Variants in FRMD1 observed in about 807,000 individuals in gnomAD.
FRMD1 encodes FERM domain-containing protein 1.
Under a neutral mutation model 54.9 loss-of-function variants are expected in FRMD1, and 51 were observed. The ratio of observed to expected loss-of-function variants is 0.93; its 90% CI spans 0.74 to 1.17. FRMD1 has a LOEUF of 1.17. FRMD1 is among the 50% of genes most tolerant of loss of function. The pLI is 0.00. For synonymous variants in FRMD1, 324 were observed against 306.4 expected (o/e 1.06, Z -0.60); for missense variants, 729 against 743.0 (o/e 0.98, Z 0.22).
intron 1 of FRMD1, among the ~76,000 whole-genome samples, chr6:168,086,828 G>T (rs565386993): frequency 6.6e-6 from 1 of 152,258 alleles, no homozygotes; most frequent in Non-Finnish European, 1.5e-5. Flanking sequence ...GGGCCGGGGT[G>T]AAGCCCATGT....
At chr6:168,067,559 G>A (rs971126648) in intron 2 of FRMD1, 113 bp from the exon 3 acceptor site, 7 of 679,082 alleles carry the variant, frequency 1.0e-5, no homozygotes, top group Non-Finnish European at 1.3e-5. Flanking sequence ...TGAAAACTGT[G>A]CGTCTGCAGC....
chr6:168,057,517 G>C (rs989569679), intron 10 of FRMD1, 178 bp from the exon 11 acceptor site: 4 of 827,534 alleles, frequency 4.8e-6, no homozygotes, highest in African/African-American at 3.5e-5. Context: ...CTGCGAGAGA[G>C]GCTTGGCATC....
chr6:168,084,560 T>A (rs770985233), upstream of FRMD1, among the ~76,000 whole-genome samples: 1 of 151,544 alleles, frequency 6.6e-6, no homozygotes, highest in Non-Finnish European at 1.5e-5. Flanking sequence ...GTGGGGGAGG[T>A]GCATTGAGCT....
chr6:168,085,554 C>T (rs1583213454), upstream of FRMD1, among the ~76,000 whole-genome samples: 1 of 152,334 alleles, frequency 6.6e-6, no homozygotes, highest in Non-Finnish European at 1.5e-5. Context: ...CACTGGGCTC[C>T]AGGGGGTGTG....
intron 2 of FRMD1, among the ~76,000 whole-genome samples, chr6:168,068,912 C>T (rs2114990071): frequency 6.6e-6 from 1 of 152,336 alleles, no homozygotes; most frequent in Admixed American, 6.5e-5. Context: ...CCCTCTCTGC[C>T]CTGCCTGTCT....
upstream of FRMD1, chr6:168,081,806 G>A (rs1800836835): frequency 7.7e-6 from 3 of 390,246 alleles, no homozygotes; most frequent in Non-Finnish European, 1.4e-5. Context: ...GCAGAGGGGC[G>A]AGGTGTCCTC....
intron 1 of FRMD1, among the ~76,000 whole-genome samples, chr6:168,088,485 C>A (rs1048138622): frequency 1.3e-5 from 2 of 152,228 alleles, no homozygotes; most frequent in Non-Finnish European, 2.9e-5. Flanking sequence ...CTGCCTCCCC[C>A]GGCATCTGAT....
intron 1 of FRMD1, among the ~76,000 whole-genome samples, chr6:168,091,398 A>G (rs1014159779): frequency 6.6e-6 from 1 of 152,124 alleles, no homozygotes; most frequent in African/African-American, 2.4e-5. Flanking sequence ...GCCCAGAGCC[A>G]TCTCTGTCTC....
rs1442661697 is a variant in FRMD1, at chr6:168,057,101, A to G, written c.1646T>C (p.Val549Ala). Residue 549 changes from valine (V) to alanine (A), a missense_variant, in exon 11 of 11, where the codon GTG becomes GCG. Coordinates refer to ENST00000283309, the MANE Select transcript of FRMD1 (RefSeq NM_024919.6). The part of the protein sequence containing the change: ...FGEAPPQEFV[V>A] Reference sequence around the variant, plus strand: ...GTACTGCTGGGTGGGTGGTGCCTACACCACAAACTCCTGTGGTGGAGCCTC... The same window carrying G: ...GTACTGCTGGGTGGGTGGTGCCTACGCCACAAACTCCTGTGGTGGAGCCTC... 3.4e-6 allele frequency: 5 copies of G among 1,475,442 alleles called. No individual in the cohort carries two copies. The highest frequency in any genetic ancestry group is 2.8e-5 in the South Asian group (2 of 70,620). The allele number at this position is 1,475,442 out of a possible 1,614,324, so 91.4% of individuals were successfully genotyped here.
rs1478297880 is a variant in FRMD1 at position 168,056,422 on chromosome 6, G to C, written c.*675C>G. On this transcript the variant is annotated 3_prime_UTR_variant, in exon 11 of 11. Coordinates refer to ENST00000283309, the MANE Select transcript of FRMD1 (RefSeq NM_024919.6). ...TGAGATGGGAGCAGAGTCGGCTTCA[G>C]CTCCGGGGCAGTGGGGTCTTTGGAA... The C allele has an allele frequency of 6.6e-6, 1 of 152,496 alleles. No homozygotes were observed. The highest frequency in any genetic ancestry group is 1.5e-5 in the Non-Finnish European group (1 of 68,292). The allele number at this position is 152,496 out of a possible 1,614,324, so 9.4% of individuals were successfully genotyped here.
At position 168,078,931 on chromosome 6, in the gene FRMD1, T is replaced by A. The variant is rs138550768; in HGVS notation, c.164A>T (p.Asp55Val). 5.8e-5 allele frequency: 94 copies of A among 1,607,474 alleles called. No individual in the cohort carries two copies. The highest frequency in any genetic ancestry group is 1.6e-4 in the African/African-American group (12 of 74,764). ...GMDAMASEHR[D>V]VLVLLPSREQ... is the part of the protein sequence containing the mutation. ...CCGGCTGGGCAGCAGCACGAGGACATCCCTGTGTTCCGAGGCCATCGCGTC... is the reference window on the plus strand; with the variant it reads ...CCGGCTGGGCAGCAGCACGAGGACAACCCTGTGTTCCGAGGCCATCGCGTC... Residue 55 changes from aspartate to valine, a missense_variant, in exon 1 of 11, where the codon GAT becomes GTT. Asp to Val is a radical substitution (Grantham distance 152, BLOSUM62 -3). Transcript: ENST00000283309.
upstream of FRMD1, among the ~76,000 whole-genome samples, chr6:168,082,812 T>G (rs911348961): frequency 6.6e-6 from 1 of 152,176 alleles, no homozygotes; most frequent in Non-Finnish European, 1.5e-5. Context: ...TCATCTGACT[T>G]TTGCTGCTCT....
At chr6:168,061,698 CACA>C in intron 8 of FRMD1, 106 bp downstream of exon 8, 3 of 1,212,140 alleles carry the variant, frequency 2.5e-6, no homozygotes, top group Non-Finnish European at 3.4e-6. Context: ...GTCAGGAGGC[CACA>C]ACAATAAGAG....
intron 6 of FRMD1, among the ~76,000 whole-genome samples, 175 bp downstream of exon 6, chr6:168,063,426 C>T (rs1420442735): frequency 6.6e-6 from 1 of 151,666 alleles, no homozygotes; most frequent in South Asian, 2.1e-4. Flanking sequence ...CCTGATCCCA[C>T]TCTTAGCCAT....
intron 4 of FRMD1, 110 bp downstream of exon 4, chr6:168,066,645 T>C: frequency 2.1e-6 from 3 of 1,449,996 alleles, no homozygotes; most frequent in Non-Finnish European, 1.8e-6. Context: ...TGTTTGTTTT[T>C]TGTTTTTGGA....
At chr6:168,057,548 A>T in intron 10 of FRMD1, 1 of 653,992 alleles carries the variant, frequency 1.5e-6, no homozygotes, top group Non-Finnish European at 2.5e-6. Context: ...GCATTTCAGG[A>T]GGCCCCCACC....
At chr6:168,072,655 C>CG (rs982109872) in intron 2 of FRMD1, among the ~76,000 whole-genome samples, 16 of 152,222 alleles carry the variant, frequency 1.1e-4, no homozygotes, top group African/African-American at 3.9e-4. Context: ...GGTCCTGGCC[C>CG]GGGTTTTGCG....
intron 1 of FRMD1, among the ~76,000 whole-genome samples, chr6:168,091,210 A>G (rs1485495484): frequency 6.6e-6 from 1 of 152,208 alleles, no homozygotes; most frequent in East Asian, 1.9e-4. Flanking sequence ...AGCCGATAAT[A>G]AAAGGCCAAG....
upstream of FRMD1, among the ~76,000 whole-genome samples, chr6:168,079,389 G>A (rs944144524): frequency 6.6e-6 from 1 of 152,228 alleles, no homozygotes; most frequent in Admixed American, 6.5e-5. Context: ...TGTGGGCCCC[G>A]TGAGAACCAG....
Sources: gnomAD v4.1 joint callset for allele counts (sites outside exome capture counted in the v4.1 genomes callset) on GRCh38, gnomAD v4.1.1 for gene constraint, MANE v1.5 for transcripts, NCBI Gene and HGNC (gene_info 2026-07-23, HGNC 2026-07-21) for gene names.